Variants in INTS9 observed in about 807,000 individuals in gnomAD.
INTS9 encodes the protein protein related to CPSF subunits of 74 kDa.
Under a neutral mutation model 79.7 loss-of-function variants are expected in INTS9, and 55 were observed. The ratio of observed to expected loss-of-function variants is 0.69; its 90% confidence interval spans 0.56 to 0.86. The LOEUF is 0.86. Among genes scored for constraint, INTS9 ranks in the 40% least tolerant of loss-of-function variants. The pLI is 0.00. For missense variants in INTS9, 721 were observed against 831.5 expected (o/e 0.87, Z 1.64); for synonymous variants, 319 against 325.2 (o/e 0.98, Z 0.20).
chr8:28,860,376 A>G (rs984938655), intron 1 of INTS9, among the ~76,000 whole-genome samples: 2 of 152,220 alleles, frequency 1.3e-5, no homozygotes, highest in African/African-American at 4.8e-5. Flanking sequence ...AAGAAATGGA[A>G]GAAGACCCTT....
chr8:28,838,514 G>T (rs1360848099), intron 4 of INTS9, among the ~76,000 whole-genome samples: 1 of 152,104 alleles, frequency 6.6e-6, no homozygotes, highest in Admixed American at 6.5e-5. Context: ...CTACCAATCT[G>T]TCAAGACGCA....
intron 1 of INTS9, among the ~76,000 whole-genome samples, chr8:28,868,742 G>A (rs1411111654): frequency 6.6e-6 from 1 of 152,054 alleles, no homozygotes; most frequent in Non-Finnish European, 1.5e-5. Context: ...CCATTTCACT[G>A]GGTCAGTCAA....
At chr8:28,789,106 T>C (rs1163200118) in intron 10 of INTS9, among the ~76,000 whole-genome samples, 1 of 152,224 alleles carries the variant, frequency 6.6e-6, no homozygotes. Flanking sequence ...CAAGATGCTT[T>C]TGGAGGGTTA....
At chr8:28,882,317 C>CGGAA (rs995948457) in intron 1 of INTS9, among the ~76,000 whole-genome samples, 3 of 115,064 alleles carry the variant, frequency 2.6e-5, no homozygotes, top group African/African-American at 8.1e-5. Flanking sequence ...ACAAACACTG[C>CGGAA]GGAAGGCCGA....
intron 1 of INTS9, among the ~76,000 whole-genome samples, chr8:28,870,319 A>ATTT (rs11391131): frequency 8.8e-5 from 10 of 113,000 alleles, no homozygotes; most frequent in African/African-American, 2.7e-4. Context: ...AACATTAACC[A>ATTT]TTTTTTTTTT....
chr8:28,796,051 G>A (rs555372912), intron 9 of INTS9, among the ~76,000 whole-genome samples: 32 of 152,312 alleles, frequency 2.1e-4, no homozygotes, highest in East Asian at 7.7e-4. Context: ...GGCTCATGCC[G>A]GAAATCCCAG....
At chr8:28,801,811 C>T (rs1396982032) in intron 8 of INTS9, among the ~76,000 whole-genome samples, 1 of 152,028 alleles carries the variant, frequency 6.6e-6, no homozygotes, top group South Asian at 2.1e-4. Context: ...TGGAGTTTTA[C>T]CATGTTGCCC....
intron 6 of INTS9, among the ~76,000 whole-genome samples, chr8:28,823,283 C>T (rs1026530497): frequency 6.6e-6 from 1 of 152,192 alleles, no homozygotes; most frequent in Non-Finnish European, 1.5e-5. Context: ...AAGGAGATGA[C>T]ATCCCCATAT....
intron 5 of INTS9, among the ~76,000 whole-genome samples, chr8:28,836,619 G>A (rs144575370): frequency 6.6e-6 from 1 of 152,210 alleles, no homozygotes; most frequent in Non-Finnish European, 1.5e-5. Context: ...TGTGATTCAG[G>A]CTCACTGGTG....
chr8:28,808,148 A>T (rs774609960), intron 8 of INTS9, among the ~76,000 whole-genome samples: 45 of 150,812 alleles, frequency 3.0e-4, no homozygotes, highest in Non-Finnish European at 4.3e-4. Flanking sequence ...TCTGTTGGTA[A>T]AAGTTCCCTA....
chr8:28,872,070 G>A (rs1809124956), intron 1 of INTS9, among the ~76,000 whole-genome samples: 1 of 152,132 alleles, frequency 6.6e-6, no homozygotes, highest in East Asian at 1.9e-4. Flanking sequence ...CCATACATTG[G>A]CAAAGAAGCC....
chr8:28,850,217 T>G lies in INTS9; in HGVS notation c.194A>C (p.Asp65Ala), dbSNP rs1209197949. Residue 65 changes from aspartate (D) to alanine (A), a missense_variant, in exon 3 of 17, where the codon GAC (aspartate) becomes GCC (alanine). This residue lies in a region of INTS9 where 291 missense variants were observed against 307.0 expected (regional missense o/e 0.95). Coordinates refer to ENST00000521022, the MANE Select transcript of INTS9 (RefSeq NM_018250.4). The stretch of plus-strand genomic sequence containing the variant: ...GTTTGTAGTCTTAGATATTACCTTG[T>G]CCAAGAAAGCATTTCCATCCTTCAG... ...WSLKDGNAFL[D>A]KELKECSGHV... 3.1e-6 allele frequency: 5 copies of G among 1,613,290 alleles called. No homozygotes were observed. In the Admixed American group the frequency reaches 6.7e-5, roughly 22 times the overall value.
chr8:28,790,391 C>G (rs984300677), intron 10 of INTS9, among the ~76,000 whole-genome samples: 2 of 152,184 alleles, frequency 1.3e-5, no homozygotes, highest in East Asian at 1.9e-4. Flanking sequence ...GAGAACAGCA[C>G]AGTGAAACAG....
intron 6 of INTS9, among the ~76,000 whole-genome samples, chr8:28,815,413 A>G (rs1805414093): frequency 6.6e-6 from 1 of 152,206 alleles, no homozygotes; most frequent in African/African-American, 2.4e-5. Context: ...AGAAAACATC[A>G]TTTTGGAAAT....
At chr8:28,777,511 T>C (rs1802957957) in intron 13 of INTS9, among the ~76,000 whole-genome samples, 1 of 151,258 alleles carries the variant, frequency 6.6e-6, no homozygotes, top group African/African-American at 2.4e-5. Flanking sequence ...TTAAACTGTC[T>C]CAGCTTAGTG....
intron 6 of INTS9, among the ~76,000 whole-genome samples, chr8:28,827,386 C>A (rs999905130): frequency 6.6e-6 from 1 of 152,088 alleles, no homozygotes; most frequent in Admixed American, 6.5e-5. Context: ...CTTTTAAGTC[C>A]AGAAGGACCA....
intron 1 of INTS9, among the ~76,000 whole-genome samples, chr8:28,869,714 G>C (rs1411457285): frequency 1.3e-5 from 2 of 152,160 alleles, no homozygotes; most frequent in Non-Finnish European, 1.5e-5. Flanking sequence ...CAGGAGAGCT[G>C]TTAAATGTGC....
chr8:28,800,316 G>A (rs751308358), intron 8 of INTS9, among the ~76,000 whole-genome samples: 9 of 152,310 alleles, frequency 5.9e-5, no homozygotes, highest in South Asian at 4.1e-4. Context: ...TGCAGGAGGC[G>A]GGAGGGCATG....
intron 14 of INTS9, among the ~76,000 whole-genome samples, chr8:28,774,963 C>T (rs1420010898): frequency 6.6e-6 from 1 of 152,148 alleles, no homozygotes; most frequent in Non-Finnish European, 1.5e-5. Flanking sequence ...GTTCACAGAC[C>T]TATAAAATAC....
Sources: allele counts gnomAD v4.1 joint callset (sites outside exome capture counted in the v4.1 genomes callset), GRCh38; gene constraint gnomAD v4.1.1; regional missense constraint gnomAD v4.1.1; transcripts MANE v1.5; gene names NCBI Gene and HGNC (gene_info 2026-07-23, HGNC 2026-07-21).